The following BCL2 variants were observed in gnomAD, a reference collection of about 807,000 sequenced individuals.
BCL2 encodes the protein BCL2 apoptosis regulator, also known as apoptosis regulator Bcl-2.
A neutral mutation model predicts 14.2 loss-of-function variants in BCL2; 1 was observed. That is an observed-to-expected ratio of 0.07 (90% confidence interval 0.02 to 0.33). The LOEUF (loss-of-function observed/expected upper bound fraction) is 0.33. Ranked by LOEUF, BCL2 falls within the 10% of genes least tolerant of loss-of-function variation. The probability of loss-of-function intolerance (pLI) is 0.99; values close to 1 mark genes in which losing one functional copy is unlikely to be tolerated. For synonymous variants in BCL2, 151 were observed against 137.2 expected, an observed-to-expected ratio of 1.10 and a Z score of -0.70; for missense variants, 247 against 305.9, an observed-to-expected ratio of 0.81 and a Z score of 1.44.
intron 2 of BCL2, among the ~76,000 whole-genome samples, chr18:63,311,651 T>C (rs1425718074): frequency 1.3e-5 from 2 of 152,190 alleles, no homozygotes; most frequent in Non-Finnish European, 2.9e-5. Flanking sequence ...CTTCTATCCC[T>C]GAAGTTGTGA....
chr18:63,307,466 TA>T, intron 2 of BCL2, among the ~76,000 whole-genome samples: 1 of 152,336 alleles, frequency 6.6e-6, no homozygotes, highest in South Asian at 2.1e-4. Flanking sequence ...AAGCATGAAA[TA>T]GAAAACTAAT....
chr18:63,245,699 T>C (rs930740211), intron 2 of BCL2, among the ~76,000 whole-genome samples: 3 of 152,184 alleles, frequency 2.0e-5, no homozygotes, highest in Non-Finnish European at 4.4e-5. Context: ...TGTGATGCTA[T>C]ATACATGATA....
chr18:63,212,085 T>C (rs140464081), intron 2 of BCL2, among the ~76,000 whole-genome samples: 3,121 of 152,190 alleles, frequency 0.021, 56 homozygotes, highest in Middle Eastern at 0.054. Context: ...CCCAGCACTT[T>C]GGGAGGCTGA....
intron 2 of BCL2, among the ~76,000 whole-genome samples, chr18:63,216,529 G>T (rs1910208828): frequency 6.6e-6 from 1 of 152,168 alleles, no homozygotes; most frequent in Non-Finnish European, 1.5e-5. Context: ...CTGGTTGATA[G>T]GATCCAAAAA....
chr18:63,187,569 C>T (rs1915619620), intron 2 of BCL2, among the ~76,000 whole-genome samples: 1 of 152,240 alleles, frequency 6.6e-6, no homozygotes, highest in Admixed American at 6.5e-5. Flanking sequence ...ACCCACCCCA[C>T]TTATCCTAAT....
At chr18:63,156,589 T>C (rs1296430392) in intron 2 of BCL2, among the ~76,000 whole-genome samples, 1 of 152,194 alleles carries the variant, frequency 6.6e-6, no homozygotes, top group Admixed American at 6.5e-5. Flanking sequence ...CACCCTCATC[T>C]GAGCACTGCA....
At chr18:63,289,367 G>C (rs1912574919) in intron 2 of BCL2, among the ~76,000 whole-genome samples, 2 of 152,216 alleles carry the variant, frequency 1.3e-5, no homozygotes, top group Admixed American at 1.3e-4. Flanking sequence ...GGTGAGATCA[G>C]ATCTGGGCCT....
intron 2 of BCL2, among the ~76,000 whole-genome samples, chr18:63,162,319 A>C (rs2144620047): frequency 6.6e-6 from 1 of 152,314 alleles, no homozygotes; most frequent in African/African-American, 2.4e-5. Flanking sequence ...GACCTCATGA[A>C]ACAGAGATGA....
At chr18:63,306,217 T>C (rs1913129246) in intron 2 of BCL2, among the ~76,000 whole-genome samples, 1 of 152,168 alleles carries the variant, frequency 6.6e-6, no homozygotes, top group Non-Finnish European at 1.5e-5. Flanking sequence ...AAGCATTCAG[T>C]CAATCATTAC....
intron 2 of BCL2, among the ~76,000 whole-genome samples, chr18:63,259,373 G>A (rs182816777): frequency 3.0e-4 from 46 of 152,298 alleles, no homozygotes; most frequent in Admixed American, 1.4e-3. Context: ...GCAGGGCTTC[G>A]CTGAGGTCTA....
At chr18:63,313,909 T>C (rs559223169) in intron 2 of BCL2, 1 of 152,268 alleles carries the variant, frequency 6.6e-6, no homozygotes, top group African/African-American at 2.4e-5. Flanking sequence ...CAATCAAAGA[T>C]TGCTAAAAAG....
intron 2 of BCL2, among the ~76,000 whole-genome samples, chr18:63,283,543 G>C (rs1912375314): frequency 6.6e-6 from 1 of 152,200 alleles, no homozygotes. Flanking sequence ...CAAATGTACT[G>C]TATCTGCGCT....
intron 2 of BCL2, among the ~76,000 whole-genome samples, chr18:63,129,401 C>T (rs545610162): frequency 2.5e-4 from 38 of 151,920 alleles, no homozygotes; most frequent in Admixed American, 2.0e-3. Flanking sequence ...GAGTGATCCT[C>T]CTGCCTCCGC....
intron 2 of BCL2, among the ~76,000 whole-genome samples, chr18:63,258,870 A>T (rs1446257665): frequency 6.6e-6 from 1 of 152,210 alleles, no homozygotes; most frequent in East Asian, 1.9e-4. Context: ...GATGATTAAG[A>T]ACCGACTAAA....
chr18:63,209,682 C>A (rs1332306493), intron 2 of BCL2, among the ~76,000 whole-genome samples: 1 of 152,016 alleles, frequency 6.6e-6, no homozygotes, highest in Non-Finnish European at 1.5e-5. Flanking sequence ...TTTGGAACAA[C>A]CTGCATTAAA....
chr18:63,182,405 A>C (rs1193473787), intron 2 of BCL2, among the ~76,000 whole-genome samples: 1 of 152,218 alleles, frequency 6.6e-6, no homozygotes, highest in Admixed American at 6.5e-5. Flanking sequence ...GTCCAGCCAC[A>C]TCTGTACTGA....
chr18:63,147,067 T>C (rs1204170831), intron 2 of BCL2, among the ~76,000 whole-genome samples: 1 of 152,230 alleles, frequency 6.6e-6, no homozygotes, highest in Non-Finnish European at 1.5e-5. Context: ...CTGAAGCTCA[T>C]CATGTTATCC....
chr18:63,214,468 C>G (rs901296532), intron 2 of BCL2, among the ~76,000 whole-genome samples: 1 of 152,196 alleles, frequency 6.6e-6, no homozygotes, highest in Non-Finnish European at 1.5e-5. Flanking sequence ...TCAGGTCTCA[C>G]CCTGACATCC....
intron 2 of BCL2, among the ~76,000 whole-genome samples, chr18:63,148,631 GC>G (rs1172170889): frequency 6.6e-6 from 1 of 151,872 alleles, no homozygotes; most frequent in East Asian, 1.9e-4. Flanking sequence ...AATTTCCCTG[GC>G]CTCTGGCCTG....
Sources: allele counts gnomAD v4.1 joint callset (sites outside exome capture counted in the v4.1 genomes callset), GRCh38; gene constraint gnomAD v4.1.1; transcripts MANE v1.5; gene names NCBI Gene and HGNC (gene_info 2026-07-23, HGNC 2026-07-21).